Variants in CUX1 observed in about 807,000 individuals in gnomAD.
CUX1 encodes cut like homeobox 1, also known as protein CASP.
CUX1 carries 31 observed loss-of-function variants against 158.8 expected under a neutral mutation model. That is an observed-to-expected ratio of 0.20 (90% CI 0.15 to 0.26). The LOEUF is 0.26. Ranked by LOEUF, CUX1 falls within the 10% of genes least tolerant of loss-of-function variation. CUX1 has a pLI of 1.00. For synonymous variants in CUX1, 879 were observed against 862.1 expected, an observed-to-expected ratio of 1.02 and a Z score of -0.34; for missense variants, 1,589 against 2,014.6, an observed-to-expected ratio of 0.79 and a Z score of 4.04.
At chr7:101,898,492 T>C (rs1403690678) in intron 1 of CUX1, among the ~76,000 whole-genome samples, 3 of 152,084 alleles carry the variant, frequency 2.0e-5, no homozygotes, top group African/African-American at 7.2e-5. Flanking sequence ...TCCTATTTTC[T>C]CTTCTTGGGG....
At chr7:102,110,096 C>G (rs1374812608) in intron 6 of CUX1, among the ~76,000 whole-genome samples, 1 of 152,172 alleles carries the variant, frequency 6.6e-6, no homozygotes, top group Non-Finnish European at 1.5e-5. Context: ...ATTAAAAGAA[C>G]AGGGCAGGGA....
At position 102,249,257 on chromosome 7, in the gene CUX1, G is replaced by T; in HGVS notation, c.*215G>T. Reference sequence around the variant, plus strand: ...CAAGGCCGCGGCCCAGACCCACTCTGCGGCCCGGGCCGACCCTGCGGCCTC... The same window carrying T: ...CAAGGCCGCGGCCCAGACCCACTCTTCGGCCCGGGCCGACCCTGCGGCCTC... On this transcript the variant is annotated 3_prime_UTR_variant, in exon 24 of 24. Coordinates refer to ENST00000292535, the MANE Select transcript of CUX1 (RefSeq NM_181552.4). The T allele has an allele frequency of 9.4e-7, 1 of 1,068,974 alleles. No individual in the cohort carries two copies. Among genetic ancestry groups the T allele is most frequent in the Non-Finnish European group, 1.1e-6 (1 of 882,920 alleles). The allele number at this position is 1,068,974 out of a possible 1,614,324, so 66.2% of individuals were successfully genotyped here.
At chr7:102,132,456 T>C (rs1306312188) in intron 8 of CUX1, among the ~76,000 whole-genome samples, 3 of 152,052 alleles carry the variant, frequency 2.0e-5, no homozygotes, top group African/African-American at 7.2e-5. Flanking sequence ...TAAGTTGTTA[T>C]TCTCCGTAAC....
At chr7:102,002,584 G>T (rs972746995) in intron 2 of CUX1, among the ~76,000 whole-genome samples, 1 of 152,224 alleles carries the variant, frequency 6.6e-6, no homozygotes, top group African/African-American at 2.4e-5. Context: ...CCTGGCATTG[G>T]TACAAGGGGG....
chr7:102,250,670 CT>C lies in CUX1; in HGVS notation c.*1633del. On this transcript the variant is annotated 3_prime_UTR_variant, in exon 24 of 24. Transcript: ENST00000292535. Reference sequence around the variant, plus strand: ...CCTTCTTTCATTTCGCCTCTTAGTTCTTTTTATGCACAGTTTTAGGGCAGTC... The same window carrying C: ...CCTTCTTTCATTTCGCCTCTTAGTTCTTTTATGCACAGTTTTAGGGCAGTC... The C allele has an allele frequency of 2.0e-6, 2 of 985,376 alleles. No individual in the cohort carries two copies. Among genetic ancestry groups the C allele is most frequent in the Non-Finnish European group, 2.4e-6 (2 of 829,922 alleles). 61.0% of individuals were successfully genotyped at this position (985,376 alleles called of 1,614,324 possible).
chr7:101,928,358 TTTTTTTTTTCTTTTTTC>T (rs1156346185), intron 2 of CUX1, among the ~76,000 whole-genome samples: 1 of 148,780 alleles, frequency 6.7e-6, no homozygotes, highest in East Asian at 2.0e-4. Flanking sequence ...ACAAATGGCC[TTTTTTTTTTCTTTTTTC>T]TTTTTTTTTT....
chr7:101,837,164 T>C (rs1012654533), intron 1 of CUX1, among the ~76,000 whole-genome samples: 1 of 152,194 alleles, frequency 6.6e-6, no homozygotes, highest in African/African-American at 2.4e-5. Flanking sequence ...TGCAGGTATA[T>C]TTGAGAGTGT....
rs1234401754 is a variant in CUX1 at position 102,248,749 on chromosome 7, A to ACCGCCACCG, written c.4230_4238dup (p.Thr1411_Ala1413dup). On this transcript the variant is annotated inframe_insertion, in exon 24 of 24. Coordinates refer to ENST00000292535, the MANE Select transcript of CUX1 (RefSeq NM_181552.4). The surrounding 1 kb of genome is among the most constrained non-coding windows in gnomAD (Gnocchi z 5.8). ...GCCCCTGCCCAGCCCCGCCTCCGCG[A>ACCGCCACCG]CCGCCACCGCCGCGCCCGCGGCCCC... is the stretch of plus-strand genomic sequence containing the variant. The ACCGCCACCG allele has an allele frequency of 9.5e-7, 1 of 1,049,122 alleles. No homozygotes were observed. Among genetic ancestry groups the ACCGCCACCG allele is most frequent in the Admixed American group, 5.7e-5 (1 of 17,570 alleles). The allele number at this position is 1,049,122 out of a possible 1,614,324, so 65.0% of individuals were successfully genotyped here.
intron 3 of CUX1, among the ~76,000 whole-genome samples, chr7:102,050,192 C>T (rs974898944): frequency 8.5e-5 from 13 of 152,292 alleles, no homozygotes; most frequent in African/African-American, 3.1e-4. Context: ...CATTTGCCAG[C>T]GTGACCTTGA....
At chr7:102,126,042 C>G (rs1832601748) in intron 8 of CUX1, among the ~76,000 whole-genome samples, 1 of 151,960 alleles carries the variant, frequency 6.6e-6, no homozygotes, top group Non-Finnish European at 1.5e-5. Context: ...GAGATAGAGT[C>G]TCACTCTGTT....
chr7:102,057,246 G>A (rs1223007276), intron 3 of CUX1, among the ~76,000 whole-genome samples: 1 of 152,156 alleles, frequency 6.6e-6, no homozygotes, highest in East Asian at 1.9e-4. Flanking sequence ...AGTGCACCTG[G>A]TCAACAAGAG....
At chr7:101,980,797 G>A (rs1288489412) in intron 2 of CUX1, among the ~76,000 whole-genome samples, 1 of 151,828 alleles carries the variant, frequency 6.6e-6, no homozygotes, top group Non-Finnish European at 1.5e-5. Context: ...CCCGCCGTCC[G>A]CACGGATGTA....
At chr7:101,851,829 C>CTTTTTT (rs59542926) in intron 1 of CUX1, among the ~76,000 whole-genome samples, 1 of 144,838 alleles carries the variant, frequency 6.9e-6, no homozygotes, top group Non-Finnish European at 1.5e-5. Context: ...TTTCTTCTCT[C>CTTTTTT]TTTTTTTTTT....
intron 3 of CUX1, among the ~76,000 whole-genome samples, chr7:102,064,829 T>C (rs1344763468): frequency 6.6e-6 from 1 of 152,132 alleles, no homozygotes; most frequent in African/African-American, 2.4e-5. Flanking sequence ...AAGCCCAGGC[T>C]CCCTCCCTCC....
chr7:102,015,416 C>T (rs1389418812), intron 2 of CUX1, among the ~76,000 whole-genome samples: 6 of 152,012 alleles, frequency 3.9e-5, no homozygotes, highest in Admixed American at 2.0e-4. Flanking sequence ...TAAGTAGAGA[C>T]GGGGTTTCAC....
At chr7:101,988,929 G>T (rs554329160) in intron 2 of CUX1, among the ~76,000 whole-genome samples, 7 of 152,172 alleles carry the variant, frequency 4.6e-5, no homozygotes, top group Non-Finnish European at 1.0e-4. Context: ...AGTCCTGGAG[G>T]TTGAGGCTGC....
chr7:101,891,303 C>CT (rs1800851759), intron 1 of CUX1, among the ~76,000 whole-genome samples: 1 of 152,190 alleles, frequency 6.6e-6, no homozygotes, highest in Admixed American at 6.5e-5. Flanking sequence ...ACTGTGGCCT[C>CT]TAACTTACAT....
At chr7:102,033,446 C>T (rs1301307068) in intron 3 of CUX1, among the ~76,000 whole-genome samples, 2 of 152,116 alleles carry the variant, frequency 1.3e-5, no homozygotes, top group East Asian at 1.9e-4. Flanking sequence ...AATACCACTG[C>T]AACTGACAAA....
chr7:102,250,264 G>GA lies in CUX1; in HGVS notation c.*1222_*1223insA, dbSNP rs1801352932. On this transcript the variant is annotated 3_prime_UTR_variant, in exon 24 of 24. Transcript: ENST00000292535. ...GCACGTGTGCAAGCATTGAAAGAAAGGAGAGAGTAGTCCGGGCGAGCACAG... is the reference window on the plus strand; with the variant it reads ...GCACGTGTGCAAGCATTGAAAGAAAGAGAGAGAGTAGTCCGGGCGAGCACAG... The GA allele has an allele frequency of 2.0e-6, 2 of 985,408 alleles. No homozygotes were observed. The highest frequency in any genetic ancestry group is 2.4e-6 in the Non-Finnish European group (2 of 829,964). The allele number at this position is 985,408 out of a possible 1,614,324, so 61.0% of individuals were successfully genotyped here.
Sources: gnomAD v4.1 joint callset for allele counts (sites outside exome capture counted in the v4.1 genomes callset) on GRCh38, gnomAD v4.1.1 for gene constraint, Gnocchi (gnomAD v3.1) non-coding constraint, MANE v1.5 for transcripts, NCBI Gene and HGNC (gene_info 2026-07-23, HGNC 2026-07-21) for gene names.